The following RYR2 variants were observed in gnomAD, a reference collection of about 807,000 sequenced individuals.
RYR2 encodes cardiac muscle ryanodine receptor-calcium release channel.
Under a neutral mutation model 601.1 loss-of-function variants are expected in RYR2, and 227 were observed. That is an observed-to-expected ratio of 0.38 (90% confidence interval 0.34 to 0.42). RYR2 has a LOEUF of 0.42. Ranked by LOEUF, RYR2 falls within the 10% of genes least tolerant of loss-of-function variation. The probability of loss-of-function intolerance (pLI) is 1.00; values close to 1 mark genes in which losing one functional copy is unlikely to be tolerated. For missense variants in RYR2, 4,646 were observed against 6,156.5 expected (o/e 0.75, Z 8.21); for synonymous variants, 2,223 against 2,175.1 (o/e 1.02, Z -0.61).
At chr1:237,777,450 G>A (rs1377209737) in intron 87 of RYR2, among the ~76,000 whole-genome samples, 5 of 152,044 alleles carry the variant, frequency 3.3e-5, no homozygotes, top group Non-Finnish European at 5.9e-5. Flanking sequence ...GTTTTTATGT[G>A]GCCTGCAATT....
intron 1 of RYR2, among the ~76,000 whole-genome samples, chr1:237,090,570 A>G (rs1385511595): frequency 1.3e-5 from 2 of 152,246 alleles, no homozygotes; most frequent in African/African-American, 4.8e-5. Context: ...CTCCAGAACT[A>G]TAAAATAAAT....
chr1:237,812,952 G>A (rs1179416330), intron 100 of RYR2, among the ~76,000 whole-genome samples: 1 of 150,864 alleles, frequency 6.6e-6, no homozygotes, highest in Non-Finnish European at 1.5e-5. Context: ...AATGCAATAA[G>A]ACTGACCCGT....
At chr1:237,805,449 C>A (rs1487666020) in intron 98 of RYR2, among the ~76,000 whole-genome samples, 1 of 151,762 alleles carries the variant, frequency 6.6e-6, no homozygotes, top group African/African-American at 2.4e-5. Flanking sequence ...GGCGTGGTGG[C>A]GGACGCTTGT....
At chr1:237,681,314 T>C (rs1685861944) in intron 62 of RYR2, among the ~76,000 whole-genome samples, 1 of 152,202 alleles carries the variant, frequency 6.6e-6, no homozygotes, top group African/African-American at 2.4e-5. Flanking sequence ...AGACTTTCCT[T>C]GGACTTGACG....
At chr1:237,399,720 C>G (rs1703172974) in intron 10 of RYR2, among the ~76,000 whole-genome samples, 1 of 152,038 alleles carries the variant, frequency 6.6e-6, no homozygotes, top group East Asian at 1.9e-4. Flanking sequence ...GAGCTGACTC[C>G]ATTGGCTACT....
chr1:237,734,290 G>A (rs188002519), intron 79 of RYR2, among the ~76,000 whole-genome samples: 109 of 152,206 alleles, frequency 7.2e-4, no homozygotes, highest in Non-Finnish European at 1.3e-3. Flanking sequence ...CTTACATGGC[G>A]GCAAGAGAGA....
intron 1 of RYR2, among the ~76,000 whole-genome samples, chr1:237,150,459 C>T (rs1674582225): frequency 6.6e-6 from 1 of 152,056 alleles, no homozygotes; most frequent in Non-Finnish European, 1.5e-5. Flanking sequence ...GTTTTTGTAT[C>T]CCCGGTGCTT....
At chr1:237,214,167 C>T (rs1682919346) in intron 1 of RYR2, among the ~76,000 whole-genome samples, 2 of 151,828 alleles carry the variant, frequency 1.3e-5, no homozygotes, top group Admixed American at 6.6e-5. Context: ...ATGATCCACC[C>T]ACCTAGGCCT....
chr1:237,181,951 G>A (rs74149721), intron 1 of RYR2, among the ~76,000 whole-genome samples: 4 of 152,252 alleles, frequency 2.6e-5, no homozygotes, highest in African/African-American at 7.2e-5. Flanking sequence ...GAACGAGTAC[G>A]TGTTAAATTG....
intron 1 of RYR2, among the ~76,000 whole-genome samples, chr1:237,091,134 G>A (rs899909861): frequency 2.0e-5 from 3 of 152,152 alleles, no homozygotes; most frequent in Non-Finnish European, 4.4e-5. Context: ...TTGAAAATGT[G>A]GCTTGGGACA....
chr1:237,706,574 G>T lies in RYR2; in HGVS notation c.9581-375G>T, dbSNP rs561792124. On this transcript the variant is annotated intron_variant, in intron 67 of 104. Transcript: ENST00000366574. ...AATACAGGTCTGAGCAAGGCATCAG[G>T]TATTTGGTGGAGCCGTGAGTGGGGG... Among the ~76,000 whole-genome samples, 3 of 152,306 alleles carry T rather than the reference G, an allele frequency of 2.0e-5. No individual in the cohort carries two copies. The South Asian group carries it at 6.2e-4, about 32-fold the overall frequency.
chr1:237,552,359 GAAATTGTTTTAAAAACAATTTAAA>G (rs1670484653), intron 27 of RYR2, among the ~76,000 whole-genome samples: 2 of 152,134 alleles, frequency 1.3e-5, no homozygotes, highest in Admixed American at 1.3e-4. Flanking sequence ...AATTGAAATA[GAAATTGTTTTAAAAACAATTTAAA>G]AAATAGTTTT....
intron 10 of RYR2, among the ~76,000 whole-genome samples, chr1:237,395,257 C>T (rs888903180): frequency 3.9e-5 from 6 of 152,300 alleles, no homozygotes; most frequent in African/African-American, 1.4e-4. Context: ...TTTTACCATT[C>T]AACCATGTGA....
In RYR2 at chr1:237,445,466, A is replaced by G. The variant is rs2150166360; in HGVS notation, c.1236A>G (p.Glu412=). 1 of 1,613,810 alleles carries G rather than the reference A, an allele frequency of 6.2e-7. No individual in the cohort carries two copies. Among genetic ancestry groups the G allele is most frequent in the African/African-American group, 1.3e-5 (1 of 75,052 alleles). The change falls in exon 14 of 105, where the codon GAA becomes GAG. Residue 412 remains glutamate (E), a synonymous_variant. Coordinates refer to ENST00000366574, the MANE Select transcript of RYR2 (RefSeq NM_001035.3). ...GTTTGTCGAGATCCCAGCATGAAGA[A>G]TCACGCACAGCCCGAGTTATCCGGA... The part of the protein sequence containing the change: ...GISLSRSQHE[E]SRTARVIRST...
intron 14 of RYR2, among the ~76,000 whole-genome samples, chr1:237,450,924 T>C (rs541400274): frequency 2.6e-5 from 4 of 152,324 alleles, no homozygotes; most frequent in South Asian, 2.1e-4. Flanking sequence ...TCGTTTATTC[T>C]CCTTGTTTCT....
rs1269560190 is a variant in RYR2 at position 237,548,591 on chromosome 1, G to A, written c.3066+1G>A. 6.2e-7 allele frequency: 1 copy of A among 1,613,272 alleles called. No individual in the cohort carries two copies. The highest frequency in any genetic ancestry group is 8.5e-7 in the Non-Finnish European group (1 of 1,179,584). ...GGGCTGGACTTATGGCATCCAACAG[G>A]TACATGGGAATTAGCATTTGGTCTG... On this transcript the variant is annotated splice_donor_variant, in intron 26 of 104. Coordinates refer to ENST00000366574, the MANE Select transcript of RYR2 (RefSeq NM_001035.3). LOFTEE classifies it high-confidence loss of function.
Position 237,687,781 on chromosome 1 carries a change from G to A in RYR2, c.9067+277G>A, listed in dbSNP as rs114312482. 0.011 allele frequency among the ~76,000 whole-genome samples: 1,605 copies of A among 152,272 alleles called. 32 individuals carry two copies. Among genetic ancestry groups the A allele is most frequent in the African/African-American group, 0.036 (1,501 of 41,550 alleles). On this transcript the variant is annotated intron_variant, in intron 63 of 104. Transcript: ENST00000366574. ...ATGAATGAAAATGGCAGGCTGTGCC[G>A]TATTTTATCTCAGGGGTAAAAACAA...
At chr1:237,199,004 T>C (rs986848043) in intron 1 of RYR2, among the ~76,000 whole-genome samples, 1 of 152,134 alleles carries the variant, frequency 6.6e-6, no homozygotes, top group African/African-American at 2.4e-5. Context: ...CCATGAAAAT[T>C]ATTGTCTGGT....
intron 1 of RYR2, among the ~76,000 whole-genome samples, chr1:237,183,505 G>A (rs973857398): frequency 2.0e-5 from 3 of 152,172 alleles, no homozygotes; most frequent in Admixed American, 2.0e-4. Flanking sequence ...GCTTAGGAAA[G>A]ACACGGGCAT....
Sources: gnomAD v4.1 joint callset for allele counts (sites outside exome capture counted in the v4.1 genomes callset) on GRCh38, gnomAD v4.1.1 for gene constraint, MANE v1.5 for transcripts, NCBI Gene and HGNC (gene_info 2026-07-23, HGNC 2026-07-21) for gene names.